TBC1D5: variants seen among roughly 807,000 people sequenced by gnomAD.
TBC1D5 encodes the protein TBC1 domain family, member 5.
Under a neutral mutation model 100.3 loss-of-function variants are expected in TBC1D5, and 75 were observed. That is an observed-to-expected ratio of 0.75 (90% confidence interval 0.62 to 0.91). The LOEUF (loss-of-function observed/expected upper bound fraction) is 0.91, where lower values mean the gene tolerates loss of function less well. Among genes scored for constraint, TBC1D5 ranks in the 40% least tolerant of loss-of-function variants. The probability of loss-of-function intolerance (pLI) is 0.00; values close to 1 mark genes in which losing one functional copy is unlikely to be tolerated. For synonymous variants in TBC1D5, 323 were observed against 325.6 expected (o/e 0.99, Z 0.09); for missense variants, 910 against 942.4 (o/e 0.97, Z 0.45).
chr3:17,164,466 G>C (rs1266790128), intron 21 of TBC1D5, among the ~76,000 whole-genome samples: 7 of 152,208 alleles, frequency 4.6e-5, no homozygotes, highest in Non-Finnish European at 7.3e-5. Context: ...TGCTCCCCTA[G>C]GCCCTGGCCC....
chr3:17,588,411 C>T (rs1274896180), intron 2 of TBC1D5, among the ~76,000 whole-genome samples: 1 of 152,066 alleles, frequency 6.6e-6, no homozygotes. Context: ...AATTCTTTTT[C>T]TAGTTATTCT....
intron 16 of TBC1D5, among the ~76,000 whole-genome samples, chr3:17,239,724 CTG>C (rs1165803513): frequency 6.6e-6 from 1 of 151,910 alleles, no homozygotes; most frequent in African/African-American, 2.4e-5. Flanking sequence ...TGTATTATAA[CTG>C]TGCCTGGCAA....
intron 3 of TBC1D5, among the ~76,000 whole-genome samples, chr3:17,437,838 T>C (rs2094566095): frequency 6.6e-6 from 1 of 152,178 alleles, no homozygotes; most frequent in Non-Finnish European, 1.5e-5. Context: ...ATTATTAGCT[T>C]CTACTGTACT....
chr3:17,255,384 TAG>T (rs2077549918), intron 16 of TBC1D5, among the ~76,000 whole-genome samples: 1 of 152,060 alleles, frequency 6.6e-6, no homozygotes, highest in Non-Finnish European at 1.5e-5. Context: ...GTATTTTTAA[TAG>T]AGACAGGGTT....
At chr3:17,533,074 G>C (rs1005376102) in intron 2 of TBC1D5, among the ~76,000 whole-genome samples, 4 of 145,044 alleles carry the variant, frequency 2.8e-5, no homozygotes, top group East Asian at 2.1e-4. Context: ...CACATACACA[G>C]ACACACACAC....
At chr3:17,233,251 G>T (rs1227943645) in intron 17 of TBC1D5, among the ~76,000 whole-genome samples, 1 of 152,112 alleles carries the variant, frequency 6.6e-6, no homozygotes, top group Non-Finnish European at 1.5e-5. Context: ...TCAAAATCAG[G>T]TTGTAATTAT....
chr3:17,574,208 G>A (rs1294368312), intron 2 of TBC1D5, among the ~76,000 whole-genome samples: 5 of 151,912 alleles, frequency 3.3e-5, no homozygotes, highest in Non-Finnish European at 5.9e-5. Flanking sequence ...ACCTACCATG[G>A]CACATCTATC....
At chr3:17,468,562 T>C (rs1461413718) in intron 3 of TBC1D5, among the ~76,000 whole-genome samples, 1 of 152,160 alleles carries the variant, frequency 6.6e-6, no homozygotes, top group Non-Finnish European at 1.5e-5. Flanking sequence ...TATTTACTAT[T>C]TCCCTCTGTT....
At chr3:17,536,767 G>A (rs2096285696) in intron 2 of TBC1D5, among the ~76,000 whole-genome samples, 1 of 152,214 alleles carries the variant, frequency 6.6e-6, no homozygotes, top group Non-Finnish European at 1.5e-5. Context: ...CTTGAAGGGA[G>A]GGAGGGGAGC....
At chr3:17,496,853 C>T (rs1005095651) in intron 3 of TBC1D5, among the ~76,000 whole-genome samples, 1 of 152,134 alleles carries the variant, frequency 6.6e-6, no homozygotes, top group Non-Finnish European at 1.5e-5. Flanking sequence ...CAGGCTATTA[C>T]ATAATTCTGA....
intron 15 of TBC1D5, among the ~76,000 whole-genome samples, chr3:17,276,419 A>G (rs2149794116): frequency 6.6e-6 from 1 of 152,276 alleles, no homozygotes; most frequent in South Asian, 2.1e-4. Flanking sequence ...TGGGATCAAC[A>G]TGGGGGCATG....
At chr3:17,282,583 C>G (rs1283173436) in intron 15 of TBC1D5, among the ~76,000 whole-genome samples, 3 of 152,100 alleles carry the variant, frequency 2.0e-5, no homozygotes, top group Admixed American at 1.3e-4. Flanking sequence ...ACTAAAGGAA[C>G]CTTGTCTTCT....
intron 2 of TBC1D5, among the ~76,000 whole-genome samples, chr3:17,611,752 TA>T (rs2061685775): frequency 6.6e-6 from 1 of 152,178 alleles, no homozygotes; most frequent in Non-Finnish European, 1.5e-5. Context: ...AAAGTAGAGA[TA>T]AGTCCTTCAA....
chr3:17,471,502 T>C (rs1307976475), intron 3 of TBC1D5, among the ~76,000 whole-genome samples: 1 of 151,882 alleles, frequency 6.6e-6, no homozygotes, highest in Non-Finnish European at 1.5e-5. Flanking sequence ...CTGGTATTTG[T>C]AAAAGATGTA....
At chr3:17,194,662 T>C (rs1374938902) in intron 18 of TBC1D5, among the ~76,000 whole-genome samples, 1 of 152,252 alleles carries the variant, frequency 6.6e-6, no homozygotes, top group East Asian at 1.9e-4. Flanking sequence ...CCATAATTCA[T>C]GGTATTTAAA....
intron 8 of TBC1D5, among the ~76,000 whole-genome samples, chr3:17,390,275 A>G (rs1165090915): frequency 6.6e-6 from 1 of 152,136 alleles, no homozygotes; most frequent in Non-Finnish European, 1.5e-5. Flanking sequence ...TTGGAAAGAC[A>G]TTCAACAGGA....
intron 17 of TBC1D5, among the ~76,000 whole-genome samples, chr3:17,216,583 C>T (rs926381042): frequency 2.6e-5 from 4 of 152,082 alleles, no homozygotes; most frequent in Non-Finnish European, 5.9e-5. Context: ...GAACAGGCCC[C>T]AAGGCCTAGA....
exon 22 of TBC1D5, chr3:17,159,838 A>C (rs1319500795): frequency 1.3e-5 from 2 of 152,168 alleles, no homozygotes; most frequent in African/African-American, 4.8e-5. Flanking sequence ...GTTGTGTAGA[A>C]ATCCTGCATC....
intron 3 of TBC1D5, among the ~76,000 whole-genome samples, chr3:17,507,012 T>C (rs895031733): frequency 2.0e-5 from 3 of 152,176 alleles, no homozygotes; most frequent in Admixed American, 2.0e-4. Flanking sequence ...CAAGACTCCG[T>C]CTCAAAAAAC....
Sources: allele counts gnomAD v4.1 joint callset (sites outside exome capture counted in the v4.1 genomes callset), GRCh38; gene constraint gnomAD v4.1.1; transcripts MANE v1.5; gene names NCBI Gene and HGNC (gene_info 2026-07-23, HGNC 2026-07-21).